BRINP3: variants seen among roughly 807,000 people sequenced by gnomAD.
The protein encoded by BRINP3 is BMP/retinoic acid inducible neural specific 3.
In BRINP3, 19 loss-of-function variants were observed where a neutral mutation model predicts 71.0. The ratio of observed to expected loss-of-function variants is 0.27; its 90% CI spans 0.19 to 0.39. BRINP3 has a LOEUF of 0.39. BRINP3 is among the 10% of genes least tolerant of loss of function. The pLI is 1.00. For missense variants in BRINP3, 959 were observed against 940.8 expected (o/e 1.02, Z -0.25); for synonymous variants, 380 against 337.7 (o/e 1.13, Z -1.37).
chr1:190,217,739 T>C (rs1656532321), intron 6 of BRINP3, among the ~76,000 whole-genome samples: 1 of 152,026 alleles, frequency 6.6e-6, no homozygotes, highest in South Asian at 2.1e-4. Context: ...AAAATAGATT[T>C]ATTCTGTAGA....
At chr1:190,386,264 T>C (rs1357474692) in intron 2 of BRINP3, among the ~76,000 whole-genome samples, 1 of 149,620 alleles carries the variant, frequency 6.7e-6, no homozygotes, top group East Asian at 2.0e-4. Flanking sequence ...AAAAAAATAA[T>C]AAAAATAAAC....
At chr1:190,216,024 A>T (rs1456125578) in intron 6 of BRINP3, among the ~76,000 whole-genome samples, 1 of 151,676 alleles carries the variant, frequency 6.6e-6, no homozygotes, top group African/African-American at 2.4e-5. Context: ...ATCCAAAAAA[A>T]AAAACAACTG....
At chr1:190,416,832 G>A (rs977528846) in intron 2 of BRINP3, among the ~76,000 whole-genome samples, 6 of 152,132 alleles carry the variant, frequency 3.9e-5, no homozygotes, top group African/African-American at 9.6e-5. Context: ...CTCCAGAACC[G>A]GAGTCTTTAG....
chr1:190,240,464 T>C (rs1190210647), intron 4 of BRINP3, among the ~76,000 whole-genome samples: 6 of 152,082 alleles, frequency 3.9e-5, no homozygotes, highest in Non-Finnish European at 8.8e-5. Context: ...CAAAATTTCT[T>C]TTAAAACAGT....
At position 190,464,137 on chromosome 1, in the gene BRINP3, G is replaced by GTT. The variant is rs35934189; in HGVS notation, c.-50-9199_-50-9198dup. ...ACAAAAATTACGTCTTTCAAAAAGT[G>GTT]TTTTTTTTTAAAAAAAAAAGTAAAC... On this transcript the variant is annotated intron_variant, in intron 1 of 7. Coordinates refer to ENST00000367462, the MANE Select transcript of BRINP3 (RefSeq NM_199051.3). Among the ~76,000 whole-genome samples the GTT allele has an allele frequency of 8.9e-3, 1,308 of 147,420 alleles. 10 individuals are homozygous for GTT. The highest frequency in any genetic ancestry group is 0.029 in the African/African-American group (1,143 of 39,524).
intron 2 of BRINP3, among the ~76,000 whole-genome samples, chr1:190,361,792 A>G (rs1024209629): frequency 6.6e-6 from 1 of 152,162 alleles, no homozygotes; most frequent in Non-Finnish European, 1.5e-5. Context: ...AGGCGGCTAC[A>G]TGCAAACTTC....
At chr1:190,185,675 T>C (rs1411948666) in intron 6 of BRINP3, among the ~76,000 whole-genome samples, 2 of 152,112 alleles carry the variant, frequency 1.3e-5, no homozygotes, top group African/African-American at 2.4e-5. Context: ...ATCTTGAATG[T>C]ATATAATGCC....
In BRINP3 at chr1:190,098,705, C is replaced by T; in HGVS notation, c.1614G>A (p.Lys538=). ...SWRKRMLLTL[K]SNKYKSSLVH... The stretch of plus-strand genomic sequence containing the variant: ...CCAGACTTGACTTGTACTTATTGCT[C>T]TTCAAGGTGAGGAGCATCCGCTTAC... The change falls in exon 8 of 8, where the codon AAG becomes AAA. Residue 538 remains lysine (K), a synonymous_variant. Transcript: ENST00000367462. 1.2e-6 allele frequency: 2 copies of T among 1,614,182 alleles called. No homozygotes were observed. Among genetic ancestry groups the T allele is most frequent in the Non-Finnish European group, 1.7e-6 (2 of 1,180,042 alleles).
rs182742243 is a variant in BRINP3 at position 190,146,933 on chromosome 1, C to T, written c.1184+13735G>A. ...CAGAATTATTTTTCCATTCAGAAAA[C>T]GAGCAAGCTCTCCATGTATTCAAAA... On this transcript the variant is annotated intron_variant, in intron 7 of 7. Coordinates refer to ENST00000367462, the MANE Select transcript of BRINP3 (RefSeq NM_199051.3). Among the ~76,000 whole-genome samples, 12 of 151,944 alleles carry T rather than the reference C, an allele frequency of 7.9e-5. No individual in the cohort carries two copies. The South Asian group carries it at 1.0e-3, about 13-fold the overall frequency.
chr1:190,180,035 T>C (rs867397352), intron 6 of BRINP3, among the ~76,000 whole-genome samples: 2 of 152,164 alleles, frequency 1.3e-5, no homozygotes, highest in African/African-American at 4.8e-5. Flanking sequence ...CCCTAATCTT[T>C]ACTGCTGTGG....
At chr1:190,317,487 C>G (rs1665966367) in intron 2 of BRINP3, among the ~76,000 whole-genome samples, 1 of 152,074 alleles carries the variant, frequency 6.6e-6, no homozygotes, top group African/African-American at 2.4e-5. Flanking sequence ...TCCCTCTTGC[C>G]AAAGGGAAAG....
At chr1:190,393,356 C>G (rs1671371453) in intron 2 of BRINP3, among the ~76,000 whole-genome samples, 1 of 151,666 alleles carries the variant, frequency 6.6e-6, no homozygotes, top group African/African-American at 2.4e-5. Context: ...TAATGGCCTT[C>G]TGCCTTCGGT....
In BRINP3 at chr1:190,406,631, C is replaced by T. The variant is rs191314061; in HGVS notation, c.236+48024G>A. Among the ~76,000 whole-genome samples, 779 of 152,146 alleles carry T rather than the reference C, an allele frequency of 5.1e-3. 5 individuals carry two copies. The highest frequency in any genetic ancestry group is 9.0e-3 in the Non-Finnish European group (611 of 67,966). ...TTTAAAATAGGCAAGCATTTGTATGCTGAGAACGCAGTTTTATCATTGTGG... is the reference window on the plus strand; with the variant it reads ...TTTAAAATAGGCAAGCATTTGTATGTTGAGAACGCAGTTTTATCATTGTGG... On this transcript the variant is annotated intron_variant, in intron 2 of 7. Transcript: ENST00000367462.
chr1:190,160,648 C>A lies in BRINP3; in HGVS notation c.1184+20G>T. On this transcript the variant is annotated intron_variant, in intron 7 of 7. Transcript: ENST00000367462. The stretch of plus-strand genomic sequence containing the variant: ...TTTCGGCAATAAACTTAATTGCTTA[C>A]ATTACCACAAATGTCTTACCTTTGT... 6.3e-7 allele frequency: 1 copy of A among 1,597,986 alleles called. No individual in the cohort carries two copies. The highest frequency in any genetic ancestry group is 1.1e-5 in the South Asian group (1 of 89,024).
chr1:190,120,062 T>C (rs371892169), intron 7 of BRINP3, among the ~76,000 whole-genome samples: 105 of 152,370 alleles, frequency 6.9e-4, no homozygotes, highest in African/African-American at 2.5e-3. Flanking sequence ...TTTTACTTTT[T>C]AATTTATTTT....
chr1:190,172,610 C>T (rs2102501934), intron 6 of BRINP3, among the ~76,000 whole-genome samples: 1 of 152,254 alleles, frequency 6.6e-6, no homozygotes, highest in East Asian at 1.9e-4. Flanking sequence ...ATGAACTTGG[C>T]ACCATTGTCA....
chr1:190,470,538 T>C (rs1041106027), intron 1 of BRINP3, among the ~76,000 whole-genome samples: 1 of 151,076 alleles, frequency 6.6e-6, no homozygotes, highest in African/African-American at 2.4e-5. Flanking sequence ...TTAAAACAAA[T>C]ACTTATAAAA....
intron 1 of BRINP3, chr1:190,474,343 G>GA (rs1456182832): frequency 4.6e-5 from 7 of 152,518 alleles, no homozygotes; most frequent in South Asian, 2.1e-4. Flanking sequence ...TTGCAACACA[G>GA]AAAAAACATC....
At chr1:190,150,108 AC>A (rs1311104669) in intron 7 of BRINP3, among the ~76,000 whole-genome samples, 6 of 152,032 alleles carry the variant, frequency 3.9e-5, no homozygotes, top group Non-Finnish European at 8.8e-5. Flanking sequence ...TGTAGTTTTC[AC>A]CCTCTTGATT....
Sources: gnomAD v4.1 joint callset for allele counts (sites outside exome capture counted in the v4.1 genomes callset) on GRCh38, gnomAD v4.1.1 for gene constraint, MANE v1.5 for transcripts, NCBI Gene and HGNC (gene_info 2026-07-23, HGNC 2026-07-21) for gene names.